Variants in DRP2 observed in about 807,000 individuals in gnomAD.
DRP2 encodes the protein dystrophin related protein 2, also known as dystrophin-related protein 2.
A neutral mutation model predicts 78.2 loss-of-function variants in DRP2; 29 were observed. That is an observed-to-expected ratio of 0.37 (90% CI 0.28 to 0.51). The LOEUF (loss-of-function observed/expected upper bound fraction) is 0.51, where lower values mean the gene tolerates loss of function less well. DRP2 is among the 20% of genes least tolerant of loss of function. The pLI, the probability that DRP2 is intolerant of heterozygous loss-of-function variation, is 0.94. For synonymous variants in DRP2, 290 were observed against 281.9 expected (o/e 1.03, Z -0.29); for missense variants, 686 against 770.6 (o/e 0.89, Z 1.30).
At position 101,262,414 on chromosome X, in the gene DRP2, A is replaced by G. The variant is rs1225155187; in HGVS notation, c.*1793A>G. On this transcript the variant is annotated 3_prime_UTR_variant, in exon 24 of 24. Coordinates refer to ENST00000395209, the MANE Select transcript of DRP2 (RefSeq NM_001939.3). ...CCTTTATTAGCCTTTGCCAGCTAAG[A>G]CACAGAGAACATTCTCTGGTCCCTT... is the stretch of plus-strand genomic sequence containing the variant. 2 of 111,884 alleles carry G rather than the reference A, an allele frequency of 1.8e-5. No individual in the cohort carries two copies. Among genetic ancestry groups the G allele is most frequent in the South Asian group, 3.8e-4 (1 of 2,646 alleles). The allele number at this position is 111,884 out of a possible 1,213,427, so 9.2% of individuals were successfully genotyped here. A position where few individuals can be genotyped will look rare whatever the true frequency, so the allele number is the denominator to read the frequency against.
At chrX:101,222,569 T>A (rs1390116993) in intron 1 of DRP2, among the ~76,000 whole-genome samples, 1 of 112,343 alleles carries the variant, frequency 8.9e-6, no homozygotes, top group East Asian at 2.8e-4. Flanking sequence ...TGAAGCAGAT[T>A]TAAGGAATAA....
chrX:101,246,609 T>G (rs1922942737), intron 11 of DRP2, among the ~76,000 whole-genome samples: 1 of 112,072 alleles, frequency 8.9e-6, no homozygotes, highest in African/African-American at 3.2e-5. Flanking sequence ...TTTCAGTGTG[T>G]TGTGACAAAC....
intron 16 of DRP2, among the ~76,000 whole-genome samples, chrX:101,252,171 T>C (rs1923164043): frequency 8.9e-6 from 1 of 112,305 alleles, no homozygotes; most frequent in African/African-American, 3.2e-5. Flanking sequence ...AAATAACTTT[T>C]AGCCAACTTA....
In DRP2 at chrX:101,245,000, C is replaced by T. The variant is rs371129060; in HGVS notation, c.1055-17C>T. 41 of 1,200,096 alleles carry T rather than the reference C, an allele frequency of 3.4e-5. No individual in the cohort carries two copies. In the African/African-American group the frequency reaches 6.0e-4, roughly 18 times the overall value. ...TTAGTGGCCAGCTTTTTTTCTCTTTCTCTTCTCCTTTACCAGCCTCTGTCC... is the reference window on the plus strand; with the variant it reads ...TTAGTGGCCAGCTTTTTTTCTCTTTTTCTTCTCCTTTACCAGCCTCTGTCC... On this transcript the variant is annotated splice_polypyrimidine_tract_variant and intron_variant, in intron 9 of 23. Transcript: ENST00000395209.
Position 101,254,909 on chromosome X carries a change from A to G in DRP2, c.2165A>G (p.Glu722Gly). 1 of 1,211,480 alleles carries G rather than the reference A, an allele frequency of 8.3e-7. No homozygotes were observed. Among genetic ancestry groups the G allele is most frequent in the Non-Finnish European group, 1.1e-6 (1 of 895,473 alleles). The change falls in exon 19 of 24, where the codon GAG (glutamate) becomes GGG (glycine). Residue 722 changes from glutamate to glycine, a missense_variant. By Grantham distance (98) the Glu-to-Gly change is moderately conservative. Coordinates refer to ENST00000395209, the MANE Select transcript of DRP2 (RefSeq NM_001939.3). Reference protein sequence around the residue: ...WPHADTHSRIEHFASRLAEME... With the variant: ...WPHADTHSRIGHFASRLAEME... ...CACGCCGACACACACTCCCGAATTG[A>G]GCATTTTGCCAGCAGGTACCACCAG... is the stretch of plus-strand genomic sequence containing the variant.
chrX:101,247,738 C>A (rs1922980456), intron 12 of DRP2, among the ~76,000 whole-genome samples: 1 of 112,000 alleles, frequency 8.9e-6, no homozygotes, highest in South Asian at 3.8e-4. Context: ...TACAGACGAA[C>A]CTATTTGCAA....
At chrX:101,255,647 T>C (rs1321374131) in intron 20 of DRP2, among the ~76,000 whole-genome samples, 1 of 111,125 alleles carries the variant, frequency 9.0e-6, no homozygotes, top group African/African-American at 3.3e-5. Flanking sequence ...GGGACTTGGC[T>C]GAACTATAGC....
In DRP2 at chrX:101,232,560, G is replaced by A. The variant is rs1360783464; in HGVS notation, c.117+796G>A. ...GGCCGAATATACAGGAAGGAGGAAG[G>A]GAGGAAGAAAGGAAGTGGGGATGGA... On this transcript the variant is annotated intron_variant, in intron 3 of 23. Transcript: ENST00000395209. 6.3e-5 allele frequency among the ~76,000 whole-genome samples: 7 copies of A among 111,483 alleles called. No individual in the cohort carries two copies. In the East Asian group the frequency reaches 2.0e-3, roughly 31 times the overall value.
intron 22 of DRP2, among the ~76,000 whole-genome samples, chrX:101,258,817 G>T (rs888084456): frequency 6.3e-5 from 7 of 111,798 alleles, no homozygotes; most frequent in Non-Finnish European, 1.1e-4. Context: ...GGGGCAGAGA[G>T]AAGACTTCTG....
At chrX:101,255,106 G>A in intron 19 of DRP2, 78 bp from the exon 20 acceptor site, 1 of 1,113,460 alleles carries the variant, frequency 9.0e-7, no homozygotes, top group Non-Finnish European at 1.2e-6. Context: ...CAATGATCCT[G>A]CTGTGAGATT....
At chrX:101,226,310 G>A (rs746122524) in intron 2 of DRP2, among the ~76,000 whole-genome samples, 1 of 111,867 alleles carries the variant, frequency 8.9e-6, no homozygotes, top group Non-Finnish European at 1.9e-5. Context: ...TGCTGACATT[G>A]TACTTATTAT....
At chrX:101,239,123 C>T (rs1473015486) in intron 6 of DRP2, 22 bp downstream of exon 6, 3 of 1,202,812 alleles carry the variant, frequency 2.5e-6, no homozygotes, top group Non-Finnish European at 3.4e-6. Context: ...TCTGTTTTTC[C>T]CACTTCTTCT....
At chrX:101,230,166 A>G (rs897433913) in intron 2 of DRP2, among the ~76,000 whole-genome samples, 4 of 112,128 alleles carry the variant, frequency 3.6e-5, no homozygotes, top group African/African-American at 9.7e-5. Flanking sequence ...CTATTCTAAC[A>G]GCTTCTCAAC....
intron 15 of DRP2, among the ~76,000 whole-genome samples, 155 bp downstream of exon 15, chrX:101,250,735 T>C (rs753573276): frequency 8.9e-6 from 1 of 111,751 alleles, no homozygotes; most frequent in South Asian, 3.8e-4. Flanking sequence ...TTCTCTGGGC[T>C]CTAGAATCAT....
Position 101,254,425 on chromosome X carries a change from A to G in DRP2, c.1978A>G (p.Thr660Ala), listed in dbSNP as rs1569509698. The change falls in exon 18 of 24, where the codon ACC becomes GCC. Residue 660 changes from threonine to alanine, a missense_variant and splice_region_variant. By Grantham distance (58) the Thr-to-Ala change is moderately conservative. Transcript: ENST00000395209. ...HYPIMEYYTP[T>A]TSSENMRDFA... ...TTCCTCTGCCCTGTCTCCTCCTCAG[A>G]CCACATCCAGTGAGAACATGAGGGA... 8.3e-7 allele frequency: 1 copy of G among 1,209,975 alleles called. No individual in the cohort carries two copies. Among genetic ancestry groups the G allele is most frequent in the Non-Finnish European group, 1.1e-6 (1 of 895,212 alleles).
intron 2 of DRP2, 45 bp from the exon 3 acceptor site, chrX:101,231,540 C>T (rs778371507): frequency 1.4e-6 from 1 of 706,950 alleles, no homozygotes; most frequent in East Asian, 3.2e-5. Flanking sequence ...GATTCATAGG[C>T]TTTTCTAGGT....
Position 101,248,560 on chromosome X carries a change from G to T in DRP2, c.1501G>T (p.Ala501Ser). 1 of 1,212,214 alleles carries T rather than the reference G, an allele frequency of 8.2e-7. No homozygotes were observed. The highest frequency in any genetic ancestry group is 1.1e-6 in the Non-Finnish European group (1 of 895,584). Residue 501 changes from alanine (A) to serine (S), a missense_variant, in exon 14 of 24, where the codon GCA becomes TCA. Around this residue, in one of 2 missense-constraint regions of DRP2, gnomAD observed 423 missense variants for 531.5 expected, o/e 0.80. Coordinates refer to ENST00000395209, the MANE Select transcript of DRP2 (RefSeq NM_001939.3). ...MRALSFKTGIACLCGTEVKEK... is the reference protein window; with the variant it reads ...MRALSFKTGISCLCGTEVKEK... ...GGCATTGTCTTTTAAGACTGGCATT[G>T]CATGCTTGTGTGGCACGGAAGTGAA...
intron 1 of DRP2, among the ~76,000 whole-genome samples, chrX:101,222,249 A>AACACT (rs1408545425): frequency 8.9e-6 from 1 of 111,930 alleles, no homozygotes; most frequent in African/African-American, 3.3e-5. Context: ...TTGACCAGGG[A>AACACT]ACACTTTTCT....
intron 17 of DRP2, among the ~76,000 whole-genome samples, chrX:101,253,845 G>C (rs1288169660): frequency 9.0e-6 from 1 of 111,201 alleles, no homozygotes; most frequent in East Asian, 2.8e-4. Context: ...GTCATACATG[G>C]AAAACTGGCT....
Sources: allele counts gnomAD v4.1 joint callset (sites outside exome capture counted in the v4.1 genomes callset), GRCh38; gene constraint gnomAD v4.1.1; regional missense constraint gnomAD v4.1.1; transcripts MANE v1.5; gene names NCBI Gene and HGNC (gene_info 2026-07-23, HGNC 2026-07-21).